TBX1: variants seen among roughly 807,000 people sequenced by gnomAD.
The protein encoded by TBX1 is T-box transcription factor 1, also known as T-box transcription factor TBX1.
In TBX1, 16 loss-of-function variants were observed where a neutral mutation model predicts 40.8. The ratio of observed to expected loss-of-function variants is 0.39; its 90% confidence interval spans 0.27 to 0.60. The LOEUF is 0.60. Ranked by LOEUF, TBX1 falls within the 20% of genes least tolerant of loss-of-function variation. The probability of loss-of-function intolerance (pLI) is 0.51; values close to 1 mark genes in which losing one functional copy is unlikely to be tolerated. For synonymous variants in TBX1, 403 were observed against 336.8 expected, an observed-to-expected ratio of 1.20 and a Z score of -2.15; for missense variants, 755 against 728.5, an observed-to-expected ratio of 1.04 and a Z score of -0.42.
downstream of TBX1, among the ~76,000 whole-genome samples, chr22:19,769,419 C>T (rs957576483): frequency 6.6e-6 from 1 of 152,254 alleles, no homozygotes; most frequent in African/African-American, 2.4e-5. Context: ...TGGGTTTCCT[C>T]CCCTCCACCT....
intron 8 of TBX1, among the ~76,000 whole-genome samples, chr22:19,773,853 C>A (rs1937026588): frequency 6.6e-6 from 1 of 152,248 alleles, no homozygotes; most frequent in Non-Finnish European, 1.5e-5. Context: ...GCAAAGCCCA[C>A]CTGGCCCCTC....
At chr22:19,768,071 CTT>C (rs1936919840), downstream of TBX1, among the ~76,000 whole-genome samples, 1 of 152,202 alleles carries the variant, frequency 6.6e-6, no homozygotes, top group Non-Finnish European at 1.5e-5. Context: ...GAGAGGAACT[CTT>C]TGATCCCTCC....
In TBX1 at chr22:19,765,745, C is replaced by T. The variant is rs774752069; in HGVS notation, c.868-13C>T. 6.2e-7 allele frequency: 1 copy of T among 1,611,152 alleles called. No homozygotes were observed. Among genetic ancestry groups the T allele is most frequent in the Non-Finnish European group, 8.5e-7 (1 of 1,179,108 alleles). On this transcript the variant is annotated splice_polypyrimidine_tract_variant and intron_variant, in intron 4 of 6. Transcript: ENST00000649276. ...AGGGCTCCAGCGGCTTGCTCACACC[C>T]ACCTCCCTGCAGATCACGCAGCTCA... is the stretch of plus-strand genomic sequence containing the variant.
upstream of TBX1, among the ~76,000 whole-genome samples, chr22:19,759,889 C>G (rs1445760093): frequency 6.6e-6 from 1 of 152,186 alleles, no homozygotes; most frequent in African/African-American, 2.4e-5. Context: ...GATGGGCACT[C>G]AGGTATACAC....
At chr22:19,782,854 A>G (rs191327791), downstream of TBX1, 207 of 1,613,900 alleles carry the variant, frequency 1.3e-4, 2 homozygotes, top group Middle Eastern at 1.8e-3. Context: ...AAAGGCCACA[A>G]ACACTTTGAC....
At chr22:19,764,867 C>T (rs956836082) in intron 3 of TBX1, 91 bp from the exon 4 acceptor site, 11 of 1,507,806 alleles carry the variant, frequency 7.3e-6, no homozygotes, top group African/African-American at 1.4e-5. Context: ...AAACTCATTG[C>T]CAACTCAGAC....
Position 19,766,609 on chromosome 22 carries a change from G to A in TBX1, c.1257G>A (p.Pro419=), listed in dbSNP as rs1368514122. ...LRLEAPGASE[P]LHHHPYKYPA... ...TGGAGGCGCCCGGCGCATCGGAGCC[G>A]CTGCACCACCACCCCTACAAATATC... is the stretch of plus-strand genomic sequence containing the variant. Residue 419 remains proline (P), a synonymous_variant, in exon 7 of 7, where the codon CCG becomes CCA. Transcript: ENST00000649276. The A allele has an allele frequency of 2.6e-6, 4 of 1,519,288 alleles. No individual in the cohort carries two copies. Among genetic ancestry groups the A allele is most frequent in the South Asian group, 2.4e-5 (2 of 82,652 alleles). The allele number at this position is 1,519,288 out of a possible 1,614,324, so 94.1% of individuals were successfully genotyped here.
chr22:19,759,563 G>A (rs529394856), upstream of TBX1: 140 of 1,583,698 alleles, frequency 8.8e-5, 3 homozygotes, highest in South Asian at 1.5e-3. Flanking sequence ...TGCAGCGGAG[G>A]CGGCGGAGCG....
rs1601295529 is a variant in TBX1, at chr22:19,766,968, G to A, written c.*101G>A. 6.8e-7 allele frequency: 1 copy of A among 1,481,346 alleles called. No individual in the cohort carries two copies. The highest frequency in any genetic ancestry group is 2.7e-5 in the East Asian group (1 of 37,546). The allele number at this position is 1,481,346 out of a possible 1,614,324, so 91.8% of individuals were successfully genotyped here. A position where few individuals can be genotyped will look rare whatever the true frequency, so the allele number is the denominator to read the frequency against. ...GGCAAGCAAGGAATACGTTCCCCCAGCCCCAGGGGCCACCGCGGCTCTCCC... is the reference window on the plus strand; with the variant it reads ...GGCAAGCAAGGAATACGTTCCCCCAACCCCAGGGGCCACCGCGGCTCTCCC... On this transcript the variant is annotated 3_prime_UTR_variant, in exon 7 of 7. Coordinates refer to ENST00000649276, the MANE Select transcript of TBX1 (RefSeq NM_001379200.1).
chr22:19,757,401 C>G (rs1303450950), upstream of TBX1, among the ~76,000 whole-genome samples: 2 of 152,188 alleles, frequency 1.3e-5, no homozygotes, highest in Admixed American at 1.3e-4. Context: ...GCGGCTGACC[C>G]AGAGTCTCCA....
upstream of TBX1, among the ~76,000 whole-genome samples, chr22:19,758,928 C>T (rs181490571): frequency 5.3e-5 from 8 of 152,154 alleles, no homozygotes; most frequent in Admixed American, 2.0e-4. Context: ...GAGGACGCTG[C>T]GGCCCTGGGG....
chr22:19,764,422 C>T (rs1386789822), intron 3 of TBX1, 96 bp downstream of exon 3: 4 of 1,515,680 alleles, frequency 2.6e-6, no homozygotes, highest in Admixed American at 3.4e-5. Context: ...CCCCAGGCCC[C>T]CGGCTGTCCC....
chr22:19,778,285 A>G (rs930185859), intron 8 of TBX1, among the ~76,000 whole-genome samples: 9 of 147,890 alleles, frequency 6.1e-5, no homozygotes, highest in Non-Finnish European at 1.2e-4. Context: ...TTGTTGTTAG[A>G]GATGGGGGTC....
At chr22:19,773,486 C>T (rs2145846940) in intron 8 of TBX1, among the ~76,000 whole-genome samples, 1 of 152,306 alleles carries the variant, frequency 6.6e-6, no homozygotes, top group East Asian at 1.9e-4. Flanking sequence ...TCCAGGTGGC[C>T]CCTCCAGCTT....
At chr22:19,770,482 C>G (rs8137596), downstream of TBX1, among the ~76,000 whole-genome samples, 41 of 152,356 alleles carry the variant, frequency 2.7e-4, 1 homozygote, top group East Asian at 2.5e-3. Flanking sequence ...AGAGAGGCTT[C>G]TCACCCAGGA....
intron 8 of TBX1, among the ~76,000 whole-genome samples, chr22:19,778,405 C>G (rs1418323379): frequency 6.6e-6 from 1 of 151,356 alleles, no homozygotes; most frequent in African/African-American, 2.4e-5. Flanking sequence ...CTGGCCATTG[C>G]TCCTTATTTC....
intron 1 of TBX1, among the ~76,000 whole-genome samples, chr22:19,762,115 C>A (rs1376101081): frequency 6.6e-6 from 1 of 152,228 alleles, no homozygotes. Context: ...TGGGCCTGTG[C>A]TCTGCTCCAG....
upstream of TBX1, among the ~76,000 whole-genome samples, chr22:19,760,695 C>T (rs1244134974): frequency 3.5e-4 from 1 of 2,880 alleles, no homozygotes; most frequent in Middle Eastern, 0.5. Flanking sequence ...GGGCCCCGGG[C>T]GGGGCGGGGC....
downstream of TBX1, among the ~76,000 whole-genome samples, chr22:19,781,643 G>A (rs1205051581): frequency 6.6e-6 from 1 of 151,992 alleles, no homozygotes; most frequent in Non-Finnish European, 1.5e-5. Flanking sequence ...TGAAGCTTTT[G>A]GCCTATGTTT....
Sources: gnomAD v4.1 joint callset for allele counts (sites outside exome capture counted in the v4.1 genomes callset) on GRCh38, gnomAD v4.1.1 for gene constraint, MANE v1.5 for transcripts, NCBI Gene and HGNC (gene_info 2026-07-23, HGNC 2026-07-21) for gene names.